Variants in LMBR1 observed in about 807,000 individuals in gnomAD.
The protein encoded by LMBR1 is limb region 1 protein homolog.
LMBR1 carries 52 observed loss-of-function variants against 73.9 expected under a neutral mutation model. That is an observed-to-expected ratio of 0.70 (90% CI 0.56 to 0.89). The LOEUF is 0.89. Ranked by LOEUF, LMBR1 falls within the 40% of genes least tolerant of loss-of-function variation. The pLI, the probability that LMBR1 is intolerant of heterozygous loss-of-function variation, is 0.00. For synonymous variants in LMBR1, 215 were observed against 209.4 expected (o/e 1.03, Z -0.23); for missense variants, 539 against 579.8 (o/e 0.93, Z 0.72).
intron 1 of LMBR1, among the ~76,000 whole-genome samples, chr7:156,855,804 T>C (rs1224670203): frequency 1.3e-5 from 2 of 152,058 alleles, no homozygotes; most frequent in African/African-American, 4.8e-5. Context: ...AAGATTAGAA[T>C]TGCATCAGAC....
At chr7:156,760,225 A>G (rs1485301125) in intron 8 of LMBR1, among the ~76,000 whole-genome samples, 1 of 152,210 alleles carries the variant, frequency 6.6e-6, no homozygotes, top group Non-Finnish European at 1.5e-5. Context: ...TGACATACTG[A>G]TTCTTTGAGG....
At position 156,679,881 on chromosome 7, in the gene LMBR1, G is replaced by C. The variant is rs1804707028; in HGVS notation, c.*4197C>G. 1.3e-5 allele frequency: 2 copies of C among 152,212 alleles called. No individual in the cohort carries two copies. The highest frequency in any genetic ancestry group is 4.8e-5 in the African/African-American group (2 of 41,448). 9.4% of individuals were successfully genotyped at this position (152,212 alleles called of 1,614,324 possible). A position where few individuals can be genotyped will look rare whatever the true frequency, so the allele number is the denominator to read the frequency against. Reference sequence around the variant, plus strand: ...TGTGTGAAGTTCCTATTTGATTATAGTTAACCTTGAAAAAATTTTTTCCTA... The same window carrying C: ...TGTGTGAAGTTCCTATTTGATTATACTTAACCTTGAAAAAATTTTTTCCTA... On this transcript the variant is annotated 3_prime_UTR_variant, in exon 17 of 17. Coordinates refer to ENST00000353442, the MANE Select transcript of LMBR1 (RefSeq NM_022458.4).
chr7:156,811,927 T>C (rs1833159898), intron 4 of LMBR1, among the ~76,000 whole-genome samples: 2 of 152,194 alleles, frequency 1.3e-5, no homozygotes, highest in Admixed American at 1.3e-4. Flanking sequence ...CTGCAATCTT[T>C]GGCATTCCTG....
chr7:156,849,939 T>C lies in LMBR1; in HGVS notation c.67-13054A>G, dbSNP rs1048349002. ...TATGCATGTGTGGAGCCAAGGGATA[T>C]ATGGAAAAATCTCATTACCTTCACC... On this transcript the variant is annotated intron_variant, in intron 1 of 16. Coordinates refer to ENST00000353442, the MANE Select transcript of LMBR1 (RefSeq NM_022458.4). 2.6e-5 allele frequency among the ~76,000 whole-genome samples: 4 copies of C among 152,154 alleles called. No individual in the cohort carries two copies. The East Asian group carries it at 7.7e-4, about 29-fold the overall frequency.
chr7:156,783,624 T>A (rs372461559), intron 5 of LMBR1, among the ~76,000 whole-genome samples: 3 of 152,390 alleles, frequency 2.0e-5, no homozygotes, highest in Non-Finnish European at 2.9e-5. Context: ...TTGATTTTTT[T>A]AAATATATTA....
At chr7:156,885,647 C>A (rs1456439756) in intron 1 of LMBR1, among the ~76,000 whole-genome samples, 2 of 152,026 alleles carry the variant, frequency 1.3e-5, no homozygotes, top group African/African-American at 4.8e-5. Context: ...GAGGCCAAGG[C>A]AGGAGGATCA....
At chr7:156,772,571 G>C (rs1825398024) in intron 5 of LMBR1, among the ~76,000 whole-genome samples, 1 of 152,194 alleles carries the variant, frequency 6.6e-6, no homozygotes, top group African/African-American at 2.4e-5. Context: ...TAAAAGGCTG[G>C]GTGTGGTGGC....
At position 156,683,588 on chromosome 7, in the gene LMBR1, A is replaced by G. The variant is rs1240937008; in HGVS notation, c.*490T>C. 6.6e-6 allele frequency: 1 copy of G among 152,520 alleles called. No homozygotes were observed. Among genetic ancestry groups the G allele is most frequent in the African/African-American group, 2.4e-5 (1 of 41,468 alleles). 9.4% of individuals were successfully genotyped at this position (152,520 alleles called of 1,614,324 possible). Reference sequence around the variant, plus strand: ...ATTACAGCTCCAACATACACTGCAAAAATGATATCTACAAGCAGTTGCCAT... The same window carrying G: ...ATTACAGCTCCAACATACACTGCAAGAATGATATCTACAAGCAGTTGCCAT... On this transcript the variant is annotated 3_prime_UTR_variant, in exon 17 of 17. Transcript: ENST00000353442.
intron 1 of LMBR1, among the ~76,000 whole-genome samples, chr7:156,867,971 G>T (rs984898466): frequency 2.0e-5 from 3 of 152,128 alleles, no homozygotes; most frequent in Admixed American, 1.3e-4. Context: ...TTGAGGCTGG[G>T]TGCCATGGCT....
At position 156,864,653 on chromosome 7, in the gene LMBR1, T is replaced by G. The variant is rs372440102; in HGVS notation, c.67-27768A>C. 1.8e-3 allele frequency among the ~76,000 whole-genome samples: 267 copies of G among 152,326 alleles called. 14 individuals are homozygous for G. The South Asian group carries it at 0.054, about 31-fold the overall frequency. ...TTGTGCTCTAGAAATGAAAGAATAC[T>G]TCTTAATTTTCTAAACCTAGCAATA... On this transcript the variant is annotated intron_variant, in intron 1 of 16. Transcript: ENST00000353442.
At chr7:156,892,667 G>A in intron 1 of LMBR1, 1 of 321,862 alleles carries the variant, frequency 3.1e-6, no homozygotes, top group Non-Finnish European at 5.7e-6. Context: ...AACGGAGGGA[G>A]CGCGAGGGGG....
chr7:156,841,409 G>A (rs765657232), intron 1 of LMBR1, among the ~76,000 whole-genome samples: 5 of 152,100 alleles, frequency 3.3e-5, no homozygotes, highest in African/African-American at 9.7e-5. Flanking sequence ...AAAGTCCTGA[G>A]ACTAGACGAG....
intron 15 of LMBR1, among the ~76,000 whole-genome samples, chr7:156,700,301 C>G (rs1248814932): frequency 6.6e-6 from 1 of 152,034 alleles, no homozygotes; most frequent in Non-Finnish European, 1.5e-5. Context: ...GACAAAAAAC[C>G]AAACACTGCA....
chr7:156,703,417 G>T (rs1348258622), intron 15 of LMBR1, among the ~76,000 whole-genome samples: 1 of 152,202 alleles, frequency 6.6e-6, no homozygotes, highest in Non-Finnish European at 1.5e-5. Flanking sequence ...AGGCCAGGAT[G>T]GGGGCTGGGT....
At chr7:156,710,067 G>A (rs973229763) in intron 15 of LMBR1, among the ~76,000 whole-genome samples, 2 of 151,830 alleles carry the variant, frequency 1.3e-5, no homozygotes, top group African/African-American at 4.8e-5. Flanking sequence ...ACCATGCCCG[G>A]CTAATTTTGT....
intron 9 of LMBR1, among the ~76,000 whole-genome samples, chr7:156,752,663 A>G: frequency 6.6e-6 from 1 of 152,216 alleles, no homozygotes; most frequent in East Asian, 1.9e-4. Flanking sequence ...AAAATAGAAA[A>G]CAAGGTCACC....
chr7:156,728,737 C>A lies in LMBR1; in HGVS notation c.839-17G>T, dbSNP rs1445677612. 3.9e-6 allele frequency: 6 copies of A among 1,535,818 alleles called. No homozygotes were observed. In the East Asian group the frequency reaches 1.4e-4, roughly 35 times the overall value. On this transcript the variant is annotated splice_polypyrimidine_tract_variant and intron_variant, in intron 10 of 16. Transcript: ENST00000353442. Reference sequence around the variant, plus strand: ...TTCGCCTCTCTATTAAAAGGAAAAACAAAATAAAACAAAGTTTTCTCCAAA... The same window carrying A: ...TTCGCCTCTCTATTAAAAGGAAAAAAAAAATAAAACAAAGTTTTCTCCAAA...
intron 9 of LMBR1, among the ~76,000 whole-genome samples, chr7:156,746,235 A>G (rs1819837319): frequency 6.6e-6 from 1 of 152,138 alleles, no homozygotes; most frequent in Admixed American, 6.6e-5. Flanking sequence ...TGTATATCTC[A>G]TTGACTGGAA....
At chr7:156,704,543 C>G (rs1029768593) in intron 15 of LMBR1, among the ~76,000 whole-genome samples, 2 of 151,446 alleles carry the variant, frequency 1.3e-5, no homozygotes, top group African/African-American at 4.9e-5. Context: ...CCTGAAAAAG[C>G]CAAGGCAATA....
Sources: gnomAD v4.1 joint callset for allele counts (sites outside exome capture counted in the v4.1 genomes callset) on GRCh38, gnomAD v4.1.1 for gene constraint, MANE v1.5 for transcripts, NCBI Gene and HGNC (gene_info 2026-07-23, HGNC 2026-07-21) for gene names.